The following ATG16L2 variants were observed in gnomAD, a reference collection of about 807,000 sequenced individuals.
ATG16L2 encodes the protein protein Atg16l2.
In ATG16L2, 77 loss-of-function variants were observed where a neutral mutation model predicts 84.7. The ratio of observed to expected loss-of-function variants is 0.91; its 90% CI spans 0.76 to 1.10. ATG16L2 has a LOEUF of 1.10. Ranked by LOEUF, ATG16L2 falls within the 50% of genes least tolerant of loss-of-function variation. The pLI is 0.00. For synonymous variants in ATG16L2, 361 were observed against 342.8 expected (o/e 1.05, Z -0.59); for missense variants, 782 against 817.6 (o/e 0.96, Z 0.53).
intron 1 of ATG16L2, among the ~76,000 whole-genome samples, chr11:72,815,243 C>T (rs1215650212): frequency 1.1e-4 from 17 of 152,164 alleles, no homozygotes; most frequent in Admixed American, 1.1e-3. Context: ...GTGTGTCGCA[C>T]CTCTGGCCGC....
At chr11:72,815,502 C>G (rs898807541) in intron 1 of ATG16L2, among the ~76,000 whole-genome samples, 2 of 152,134 alleles carry the variant, frequency 1.3e-5, no homozygotes, top group African/African-American at 4.8e-5. Context: ...CACCGCCCCC[C>G]CAACCCCTGC....
chr11:72,824,885 G>T (rs774883626), intron 9 of ATG16L2, 43 bp downstream of exon 9: 1 of 1,512,092 alleles, frequency 6.6e-7, no homozygotes, highest in Non-Finnish European at 8.9e-7. Context: ...AGTGGTGAGA[G>T]AGTGCAGGCA....
At chr11:72,824,696 G>A (rs1591307829) in intron 8 of ATG16L2, 38 bp from the exon 9 acceptor site, 1 of 1,515,692 alleles carries the variant, frequency 6.6e-7, no homozygotes, top group Non-Finnish European at 9.2e-7. Flanking sequence ...AGAAGGACTT[G>A]CTGAATGCCC....
intron 5 of ATG16L2, chr11:72,838,736 G>C: frequency 6.8e-7 from 1 of 1,466,010 alleles, no homozygotes; most frequent in Middle Eastern, 2.2e-4. Context: ...AACAAGACTG[G>C]CCAAACTCCA....
At position 72,829,587 on chromosome 11, in the gene ATG16L2, C is replaced by CTCTTA; in HGVS notation, c.*200_*201insTATCT. ...CGCTAGTTTTTCTTTGTATTTTTAT[C>CTCTTA]TCTATCTCCTCACTTTTTCTCCCAA... is the stretch of plus-strand genomic sequence containing the variant. On this transcript the variant is annotated 3_prime_UTR_variant, in exon 18 of 18. Coordinates refer to ENST00000321297, the MANE Select transcript of ATG16L2 (RefSeq NM_033388.2). 7.3e-7 allele frequency: 1 copy of CTCTTA among 1,363,426 alleles called. No individual in the cohort carries two copies. Among genetic ancestry groups the CTCTTA allele is most frequent in the Non-Finnish European group, 9.5e-7 (1 of 1,058,198 alleles). The allele number at this position is 1,363,426 out of a possible 1,614,324, so 84.5% of individuals were successfully genotyped here. A position where few individuals can be genotyped will look rare whatever the true frequency, so the allele number is the denominator to read the frequency against.
intron 13 of ATG16L2, 104 bp downstream of exon 13, chr11:72,826,927 T>C (rs1860398531): frequency 7.2e-7 from 1 of 1,380,498 alleles, no homozygotes; most frequent in African/African-American, 1.4e-5. Context: ...CTGAGATTCA[T>C]AGGCATTTGG....
intron 4 of ATG16L2, 139 bp downstream of exon 4, chr11:72,821,880 C>A: frequency 7.0e-7 from 1 of 1,422,676 alleles, no homozygotes; most frequent in South Asian, 1.4e-5. Context: ...TGCCAGAGGA[C>A]CGAACGGCTG....
rs534742598 is a variant in ATG16L2 at position 72,842,525 on chromosome 11, C to G, written c.*22-92C>G. On this transcript the variant is annotated intron_variant, in intron 5 of 5. Transcript: ENST00000534905. ...CAACCAAGGACCGGTGAGGGTAAGG[C>G]AGAGACTGCAGCCCACTTTTGTGTG... 3 of 1,473,966 alleles carry G rather than the reference C, an allele frequency of 2.0e-6. No homozygotes were observed. In the African/African-American group the frequency reaches 4.2e-5, roughly 21 times the overall value. The allele number at this position is 1,473,966 out of a possible 1,614,324, so 91.3% of individuals were successfully genotyped here. A position where few individuals can be genotyped will look rare whatever the true frequency, so the allele number is the denominator to read the frequency against.
intron 1 of ATG16L2, 86 bp downstream of exon 1, chr11:72,814,649 T>C: frequency 8.7e-7 from 1 of 1,155,296 alleles, no homozygotes; most frequent in Non-Finnish European, 1.2e-6. Flanking sequence ...CTCCTCCGCC[T>C]GTGACCCGAG....
chr11:72,833,064 C>T (rs945997562), downstream of ATG16L2, among the ~76,000 whole-genome samples: 7 of 152,218 alleles, frequency 4.6e-5, no homozygotes, highest in Non-Finnish European at 2.9e-5. Flanking sequence ...ATGACAGATG[C>T]CCCTATCCTG....
chr11:72,823,434 C>T (rs1474480295), intron 7 of ATG16L2: 2 of 355,284 alleles, frequency 5.6e-6, no homozygotes, highest in Non-Finnish European at 1.1e-5. Context: ...CTGATTGGGG[C>T]TTCAGACCTT....
intron 9 of ATG16L2, among the ~76,000 whole-genome samples, 157 bp from the exon 10 acceptor site, chr11:72,825,145 C>G (rs148261464): frequency 1.8e-4 from 28 of 151,978 alleles, no homozygotes; most frequent in Non-Finnish European, 3.4e-4. Flanking sequence ...CTGGTGGGGC[C>G]GGGTTTGAAA....
Position 72,816,762 on chromosome 11 carries a change from CA to C in ATG16L2, c.155del (p.Lys52SerfsTer38). 1 of 1,614,212 alleles carries C rather than the reference CA, an allele frequency of 6.2e-7. No homozygotes were observed. Among genetic ancestry groups the C allele is most frequent in the Admixed American group, 1.7e-5 (1 of 60,026 alleles). ...TCTTAGAGAAGGCTGAGCTGCTGGA[CA>C]AGTTCTCAAAGAAGCTGCAGCCGGA... ...HLLEKAELLDKFSKKLQPEPN... is the reference protein window; with the variant it reads ...HLLEKAELLDXFSKKLQPEPN... On this transcript the variant is annotated frameshift_variant, in exon 2 of 18. Transcript: ENST00000321297. LOFTEE classifies it high-confidence loss of function.
intron 3 of ATG16L2, chr11:72,820,384 C>T (rs184051572): frequency 2.0e-5 from 3 of 152,184 alleles, no homozygotes; most frequent in African/African-American, 4.8e-5. Flanking sequence ...CCCTCTCCCC[C>T]CAACCATCCC....
At chr11:72,828,258 C>T (rs761342720) in intron 14 of ATG16L2, 101 bp from the exon 15 acceptor site, 53 of 1,406,652 alleles carry the variant, frequency 3.8e-5, no homozygotes, top group South Asian at 5.0e-5. Flanking sequence ...GGGGTTCCTC[C>T]GGACTTGGTT....
At chr11:72,843,092 G>T in exon 6 of ATG16L2, 1 of 1,530,364 alleles carries the variant, frequency 6.5e-7, no homozygotes, top group Non-Finnish European at 9.0e-7. Flanking sequence ...GCTTACTCCA[G>T]GGCAATACAG....
intron 5 of ATG16L2, among the ~76,000 whole-genome samples, chr11:72,834,932 G>A (rs1860690515): frequency 6.6e-6 from 1 of 152,186 alleles, no homozygotes; most frequent in Non-Finnish European, 1.5e-5. Flanking sequence ...AAGAGGGAAA[G>A]GTCTTCCATC....
chr11:72,840,421 T>G (rs894007875), intron 5 of ATG16L2, among the ~76,000 whole-genome samples: 1 of 152,146 alleles, frequency 6.6e-6, no homozygotes, highest in African/African-American at 2.4e-5. Context: ...CAGATGGCAG[T>G]AGAGTGAAGG....
chr11:72,834,707 C>T (rs1026525797), intron 5 of ATG16L2, among the ~76,000 whole-genome samples: 1 of 151,952 alleles, frequency 6.6e-6, no homozygotes, highest in Non-Finnish European at 1.5e-5. Context: ...CTCAGTCTCC[C>T]GAGTAGCTGG....
Sources: gnomAD v4.1 joint callset for allele counts (sites outside exome capture counted in the v4.1 genomes callset) on GRCh38, gnomAD v4.1.1 for gene constraint, MANE v1.5 for transcripts, NCBI Gene and HGNC (gene_info 2026-07-23, HGNC 2026-07-21) for gene names.